RGS6: variants seen among roughly 807,000 people sequenced by gnomAD.
RGS6 encodes regulator of G-protein signaling 6.
In RGS6, 30 loss-of-function variants were observed where a neutral mutation model predicts 78.5. That is an observed-to-expected ratio of 0.38 (90% confidence interval 0.29 to 0.52). The LOEUF is 0.52. Ranked by LOEUF, RGS6 falls within the 20% of genes least tolerant of loss-of-function variation. RGS6 has a pLI of 0.85. For synonymous variants in RGS6, 206 were observed against 206.0 expected, an observed-to-expected ratio of 1.00 and a Z score of 0.00; for missense variants, 495 against 609.7, an observed-to-expected ratio of 0.81 and a Z score of 1.98.
At chr14:72,443,586 C>T (rs929337272) in intron 3 of RGS6, among the ~76,000 whole-genome samples, 2 of 152,172 alleles carry the variant, frequency 1.3e-5, no homozygotes, top group African/African-American at 4.8e-5. Context: ...AAGCCTTAGC[C>T]CCCTAGATTA....
At chr14:72,139,447 C>A (rs565910193) in intron 2 of RGS6, among the ~76,000 whole-genome samples, 1 of 152,158 alleles carries the variant, frequency 6.6e-6, no homozygotes, top group South Asian at 2.1e-4. Flanking sequence ...TCTGCTCAGG[C>A]GGCTTGGAGA....
chr14:72,411,540 T>C (rs1269269574), intron 3 of RGS6, among the ~76,000 whole-genome samples: 3 of 152,200 alleles, frequency 2.0e-5, no homozygotes, highest in African/African-American at 7.2e-5. Context: ...CCTCTTTTCC[T>C]AAATGAATAC....
At chr14:71,918,184 C>CAAAA in the RGS6 span, among the ~76,000 whole-genome samples, 139 of 33,724 alleles carry the variant, frequency 4.1e-3, 47 homozygotes, top group Non-Finnish European at 5.6e-3. Context: ...ACTCCAGTCT[C>CAAAA]AAAAAAAAAA....
chr14:72,488,388 T>A (rs1263632615), intron 12 of RGS6, among the ~76,000 whole-genome samples: 2 of 152,204 alleles, frequency 1.3e-5, no homozygotes, highest in Non-Finnish European at 2.9e-5. Context: ...AGTCATATTT[T>A]TTGCTCTTAT....
chr14:72,555,845 A>G (rs2097567617), intron 17 of RGS6, among the ~76,000 whole-genome samples: 1 of 152,254 alleles, frequency 6.6e-6, no homozygotes, highest in East Asian at 1.9e-4. Flanking sequence ...ATAGTTGCTC[A>G]ATGGTCCATC....
chr14:72,045,710 A>G (rs74063030), intron 2 of RGS6, among the ~76,000 whole-genome samples: 7,010 of 151,856 alleles, frequency 0.046, 220 homozygotes, highest in African/African-American at 0.083. Flanking sequence ...TCTTAAAGAA[A>G]AAAAAAAAAG....
the RGS6 span, among the ~76,000 whole-genome samples, chr14:72,621,651 G>T: frequency 6.6e-6 from 1 of 152,186 alleles, no homozygotes; most frequent in Non-Finnish European, 1.5e-5. Context: ...ATACCCAGTG[G>T]GGGAGAGGTT....
intron 13 of RGS6, among the ~76,000 whole-genome samples, chr14:72,498,300 G>A (rs557413003): frequency 2.6e-5 from 4 of 151,742 alleles, no homozygotes; most frequent in Admixed American, 6.6e-5. Flanking sequence ...AGTTTTATTC[G>A]GGGTTATTCA....
At chr14:71,927,804 C>T (rs942552772), upstream of RGS6, among the ~76,000 whole-genome samples, 2 of 151,622 alleles carry the variant, frequency 1.3e-5, no homozygotes, top group African/African-American at 4.8e-5. Flanking sequence ...ACTACAGGCG[C>T]GCGCCACCAT....
chr14:72,592,729 G>A, the RGS6 span, among the ~76,000 whole-genome samples: 1 of 152,222 alleles, frequency 6.6e-6, no homozygotes, highest in Non-Finnish European at 1.5e-5. Flanking sequence ...TCTTGTGAAA[G>A]GGACTTCAAG....
intron 3 of RGS6, among the ~76,000 whole-genome samples, chr14:72,401,767 T>A (rs2092429981): frequency 6.6e-6 from 1 of 151,906 alleles, no homozygotes; most frequent in Non-Finnish European, 1.5e-5. Context: ...CCTGAAAGAA[T>A]AACATTCAGA....
intron 1 of RGS6, among the ~76,000 whole-genome samples, chr14:71,961,053 T>A (rs117679271): frequency 0.016 from 2,492 of 152,256 alleles, 36 homozygotes; most frequent in Middle Eastern, 0.027. Flanking sequence ...GCTCAAAGAA[T>A]AAATGATGAG....
chr14:72,174,513 GA>G (rs1298625145), intron 2 of RGS6, among the ~76,000 whole-genome samples: 1 of 152,184 alleles, frequency 6.6e-6, no homozygotes, highest in Non-Finnish European at 1.5e-5. Flanking sequence ...AGGGTATCAG[GA>G]AAAATTGTTT....
At chr14:72,118,770 G>T (rs910228697) in intron 2 of RGS6, among the ~76,000 whole-genome samples, 3 of 152,184 alleles carry the variant, frequency 2.0e-5, no homozygotes, top group Admixed American at 6.5e-5. Context: ...TCCTGGAAGA[G>T]TCTATTTAAT....
chr14:72,162,446 T>C (rs2096865692), intron 2 of RGS6, among the ~76,000 whole-genome samples: 1 of 151,806 alleles, frequency 6.6e-6, no homozygotes, highest in African/African-American at 2.4e-5. Flanking sequence ...AGAAGTAGGG[T>C]GAGCTCTGAC....
rs200956325 is a variant in RGS6 at position 72,459,652 on chromosome 14, G to C, written c.363G>C (p.Ser121=). 1 of 1,614,106 alleles carries C rather than the reference G, an allele frequency of 6.2e-7. No individual in the cohort carries two copies. The highest frequency in any genetic ancestry group is 1.1e-5 in the South Asian group (1 of 91,064). The change falls in exon 6 of 18, where the codon TCG becomes TCC. Residue 121 remains serine (S), a synonymous_variant. Transcript: ENST00000553525. ...YRFQAPYFWP[S]NCWEPENTDY... ...TGCAGGCTCCGTACTTCTGGCCTTCGAACTGCTGGGAACCTGAAAACACTG... is the reference window on the plus strand; with the variant it reads ...TGCAGGCTCCGTACTTCTGGCCTTCCAACTGCTGGGAACCTGAAAACACTG...
At chr14:71,907,441 G>A in the RGS6 span, among the ~76,000 whole-genome samples, 4 of 152,150 alleles carry the variant, frequency 2.6e-5, no homozygotes, top group African/African-American at 9.7e-5. Flanking sequence ...AGTCACTGGT[G>A]TAAGGACCAT....
intron 3 of RGS6, among the ~76,000 whole-genome samples, chr14:72,452,723 T>G (rs892688754): frequency 1.3e-5 from 2 of 152,182 alleles, no homozygotes; most frequent in Admixed American, 6.5e-5. Flanking sequence ...CAGGCTGTGT[T>G]CCATCAAACA....
chr14:72,418,864 G>A (rs973558435), intron 3 of RGS6, among the ~76,000 whole-genome samples: 1 of 152,250 alleles, frequency 6.6e-6, no homozygotes, highest in African/African-American at 2.4e-5. Context: ...CGCCTGGGCA[G>A]GTCTGAGAGG....
Sources: allele counts gnomAD v4.1 joint callset (sites outside exome capture counted in the v4.1 genomes callset), GRCh38; gene constraint gnomAD v4.1.1; transcripts MANE v1.5; gene names NCBI Gene and HGNC (gene_info 2026-07-23, HGNC 2026-07-21).